MS4A8: variants seen among roughly 807,000 people sequenced by gnomAD.
MS4A8 encodes the protein membrane spanning 4-domains A8.
A neutral mutation model predicts 23.7 loss-of-function variants in MS4A8; 27 were observed. The ratio of observed to expected loss-of-function variants is 1.14; its 90% CI spans 0.84 to 1.57. MS4A8 has a LOEUF of 1.57. Ranked by LOEUF, MS4A8 falls within the 40% of genes most tolerant of loss-of-function variation. MS4A8 has a pLI of 0.00. For synonymous variants in MS4A8, 138 were observed against 126.3 expected (o/e 1.09, Z -0.62); for missense variants, 301 against 311.4 (o/e 0.97, Z 0.25).
At chr11:60,703,744 T>C (rs930026500) in intron 3 of MS4A8, among the ~76,000 whole-genome samples, 1 of 152,232 alleles carries the variant, frequency 6.6e-6, no homozygotes, top group African/African-American at 2.4e-5. Flanking sequence ...CTCACAGTTC[T>C]GGCGGCTGAA....
intron 3 of MS4A8, among the ~76,000 whole-genome samples, chr11:60,703,726 T>C (rs1351690021): frequency 6.6e-6 from 1 of 152,120 alleles, no homozygotes; most frequent in Non-Finnish European, 1.5e-5. Flanking sequence ...ACAACAGAAA[T>C]TTGTTATCTC....
In MS4A8 at chr11:60,715,333, CT is replaced by C. The variant is rs1565054710; in HGVS notation, c.673del (p.Tyr225MetfsTer6). On this transcript the variant is annotated frameshift_variant, in exon 7 of 7. Coordinates refer to ENST00000300226, the MANE Select transcript of MS4A8 (RefSeq NM_031457.2). LOFTEE classifies it low-confidence loss of function (END_TRUNC). Reference protein sequence around the residue: ...SNVSVIYPNIYAANPVITPEP... With the variant: ...SNVSVIYPNIXAANPVITPEP... The stretch of plus-strand genomic sequence containing the variant: ...AGGTGAGTGTCATCTATCCAAACAT[CT>C]ATGCAGCAAACCCAGTGATCACCCC... 6.2e-7 allele frequency: 1 copy of C among 1,614,066 alleles called. No homozygotes were observed.
At chr11:60,701,394 C>G (rs896824398) in intron 2 of MS4A8, 5 of 492,272 alleles carry the variant, frequency 1.0e-5, no homozygotes, top group African/African-American at 9.8e-5. Context: ...GGGGTCCCAG[C>G]AAGACCAAAA....
intron 5 of MS4A8, among the ~76,000 whole-genome samples, chr11:60,710,320 C>T (rs2088290055): frequency 6.6e-6 from 1 of 152,222 alleles, no homozygotes; most frequent in South Asian, 2.1e-4. Flanking sequence ...GCTCATAGTT[C>T]ATACATCCAA....
chr11:60,702,411 T>C (rs569921250), intron 2 of MS4A8, among the ~76,000 whole-genome samples: 2 of 152,280 alleles, frequency 1.3e-5, no homozygotes, highest in South Asian at 4.1e-4. Flanking sequence ...GTTGAAAACT[T>C]TGTTTTTTTG....
At chr11:60,703,065 A>T (rs664114) in intron 2 of MS4A8, 3 of 195,836 alleles carry the variant, frequency 1.5e-5, no homozygotes, top group Non-Finnish European at 3.1e-5. Flanking sequence ...CTGAAAAAAC[A>T]TATGTTCCAA....
intron 3 of MS4A8, among the ~76,000 whole-genome samples, chr11:60,704,266 G>A (rs1252477094): frequency 4.0e-5 from 6 of 151,518 alleles, no homozygotes; most frequent in African/African-American, 1.2e-4. Context: ...GATTACAGAC[G>A]CGCACCACCA....
chr11:60,714,945 T>C, intron 5 of MS4A8, 76 bp from the exon 6 acceptor site: 3 of 1,019,448 alleles, frequency 2.9e-6, no homozygotes, highest in Admixed American at 1.7e-5. Context: ...AAAGAGTCCA[T>C]GGCAGGGCCC....
At chr11:60,700,546 A>G (rs78144270) in intron 1 of MS4A8, among the ~76,000 whole-genome samples, 4 of 146,804 alleles carry the variant, frequency 2.7e-5, no homozygotes, top group Non-Finnish European at 5.9e-5. Context: ...ACTCTGTCTC[A>G]AAAAAAAATT....
chr11:60,713,909 CTTT>C (rs1170997070), intron 5 of MS4A8, among the ~76,000 whole-genome samples: 3 of 101,942 alleles, frequency 2.9e-5, no homozygotes, highest in South Asian at 3.1e-4. Context: ...GGTGATGACT[CTTT>C]TTTTTTTTTT....
At chr11:60,701,134 G>A (rs2088200814) in intron 2 of MS4A8, 55 bp downstream of exon 2, 9 of 1,535,788 alleles carry the variant, frequency 5.9e-6, no homozygotes, top group Non-Finnish European at 8.1e-6. Flanking sequence ...GTGATGGCAG[G>A]GGGAAGGGAA....
chr11:60,700,579 C>A (rs567911895), intron 1 of MS4A8, among the ~76,000 whole-genome samples: 43 of 152,108 alleles, frequency 2.8e-4, no homozygotes, highest in Middle Eastern at 3.4e-3. Context: ...CTATGAGAGA[C>A]ACAAAGATGG....
Position 60,715,481 on chromosome 11 carries a change from A to G in MS4A8, c.*67A>G. 1 of 1,290,978 alleles carries G rather than the reference A, an allele frequency of 7.7e-7. No individual in the cohort carries two copies. Among genetic ancestry groups the G allele is most frequent in the South Asian group, 1.2e-5 (1 of 80,030 alleles). The allele number at this position is 1,290,978 out of a possible 1,614,324, so 80.0% of individuals were successfully genotyped here. On this transcript the variant is annotated 3_prime_UTR_variant, in exon 7 of 7. Coordinates refer to ENST00000300226, the MANE Select transcript of MS4A8 (RefSeq NM_031457.2). Reference sequence around the variant, plus strand: ...AGTCCTCCTCCCTTTCTGGGCTTCCATAACCCAGGTCGTTCCTGTTCTGAC... The same window carrying G: ...AGTCCTCCTCCCTTTCTGGGCTTCCGTAACCCAGGTCGTTCCTGTTCTGAC...
chr11:60,705,405 G>A (rs1161812709), intron 3 of MS4A8, among the ~76,000 whole-genome samples: 1 of 152,222 alleles, frequency 6.6e-6, no homozygotes, highest in Non-Finnish European at 1.5e-5. Flanking sequence ...CCACCAGGCT[G>A]CTGAGTCCCT....
At chr11:60,712,498 A>G in intron 5 of MS4A8, 7 of 985,212 alleles carry the variant, frequency 7.1e-6, no homozygotes, top group Non-Finnish European at 8.4e-6. Flanking sequence ...AAAAATCATA[A>G]TTGAGATAAT....
chr11:60,706,941 C>T, intron 3 of MS4A8, 47 bp from the exon 4 acceptor site: 1 of 1,551,434 alleles, frequency 6.4e-7, no homozygotes, highest in Non-Finnish European at 8.9e-7. Flanking sequence ...TGGGGAAGGG[C>T]ACCCTAGCCC....
intron 3 of MS4A8, among the ~76,000 whole-genome samples, chr11:60,705,571 G>A (rs1368479506): frequency 6.6e-6 from 1 of 152,230 alleles, no homozygotes; most frequent in Admixed American, 6.5e-5. Flanking sequence ...AGGACTGAGA[G>A]GGATACCAAA....
At chr11:60,706,591 A>T (rs1016142972) in intron 3 of MS4A8, among the ~76,000 whole-genome samples, 3 of 152,218 alleles carry the variant, frequency 2.0e-5, no homozygotes, top group Non-Finnish European at 4.4e-5. Context: ...ATAAAATACA[A>T]GGAAATAATC....
intron 2 of MS4A8, chr11:60,701,586 G>T (rs920329824): frequency 1.5e-5 from 4 of 264,962 alleles, no homozygotes; most frequent in African/African-American, 4.4e-5. Flanking sequence ...GAATTTGGAT[G>T]CAGACTGCCC....
Sources: allele counts gnomAD v4.1 joint callset (sites outside exome capture counted in the v4.1 genomes callset), GRCh38; gene constraint gnomAD v4.1.1; transcripts MANE v1.5; gene names NCBI Gene and HGNC (gene_info 2026-07-23, HGNC 2026-07-21).